Variants in BOLL observed in about 807,000 individuals in gnomAD.
BOLL encodes the protein boule RNA binding protein, also known as protein boule-like.
A neutral mutation model predicts 44.4 loss-of-function variants in BOLL; 23 were observed. The ratio of observed to expected loss-of-function variants is 0.52; its 90% CI spans 0.37 to 0.73. BOLL has a LOEUF of 0.73. Among genes scored for constraint, BOLL ranks in the 30% least tolerant of loss-of-function variants. The pLI, the probability that BOLL is intolerant of heterozygous loss-of-function variation, is 0.00. For missense variants in BOLL, 287 were observed against 338.3 expected (o/e 0.85, Z 1.19); for synonymous variants, 97 against 110.8 (o/e 0.88, Z 0.78).
At chr2:197,747,300 C>T (rs1227405266) in intron 9 of BOLL, among the ~76,000 whole-genome samples, 1 of 151,894 alleles carries the variant, frequency 6.6e-6, no homozygotes, top group African/African-American at 2.4e-5. Flanking sequence ...GTAGGTGGGG[C>T]AGGCCAGGCG....
chr2:197,743,031 C>CA (rs1362745899), intron 10 of BOLL, 30 bp downstream of exon 10: 1 of 1,491,094 alleles, frequency 6.7e-7, no homozygotes, highest in African/African-American at 1.4e-5. Context: ...GGAAGAAAAA[C>CA]AAAGTAAAAA....
intron 10 of BOLL, among the ~76,000 whole-genome samples, chr2:197,742,682 G>T (rs1255806857): frequency 6.6e-6 from 1 of 151,958 alleles, no homozygotes; most frequent in South Asian, 2.1e-4. Context: ...GGGGAGTGGG[G>T]AGGGATAGCA....
intron 10 of BOLL, among the ~76,000 whole-genome samples, chr2:197,739,564 A>G (rs911196624): frequency 2.0e-5 from 3 of 152,172 alleles, no homozygotes; most frequent in East Asian, 1.9e-4. Context: ...GCTTCAAGCA[A>G]TCCTCCTACC....
chr2:197,734,592 A>T (rs1220701378), intron 10 of BOLL, among the ~76,000 whole-genome samples: 2 of 152,226 alleles, frequency 1.3e-5, no homozygotes, highest in African/African-American at 4.8e-5. Context: ...GGATTAAGAA[A>T]ATGTGGCAGA....
chr2:197,750,158 G>A (rs554798744), intron 9 of BOLL, among the ~76,000 whole-genome samples: 1 of 152,140 alleles, frequency 6.6e-6, no homozygotes, highest in South Asian at 2.1e-4. Flanking sequence ...TACTAAATAT[G>A]GAAAGGAAAA....
chr2:197,758,520 A>C (rs1688615280), intron 7 of BOLL, among the ~76,000 whole-genome samples: 1 of 152,224 alleles, frequency 6.6e-6, no homozygotes, highest in South Asian at 2.1e-4. Context: ...AAGGGGAAAA[A>C]GAAGACTCAA....
At chr2:197,755,209 T>C (rs1688456373) in intron 9 of BOLL, among the ~76,000 whole-genome samples, 1 of 152,118 alleles carries the variant, frequency 6.6e-6, no homozygotes, top group Non-Finnish European at 1.5e-5. Context: ...CTCACACCAG[T>C]CAGAATGGCG....
In BOLL at chr2:197,756,422, A is replaced by G; in HGVS notation, c.729+6T>C. The G allele has an allele frequency of 6.2e-7, 1 of 1,602,220 alleles. No individual in the cohort carries two copies. Among genetic ancestry groups the G allele is most frequent in the Non-Finnish European group, 8.5e-7 (1 of 1,174,296 alleles). On this transcript the variant is annotated splice_donor_region_variant and intron_variant, in intron 9 of 10. Transcript: ENST00000392296. ...ATAGATCAATTACTTTAAGACTAAT[A>G]CATACCTCTGGAACTGAAGTTTCCA...
chr2:197,780,748 T>C lies in BOLL; in HGVS notation c.129+974A>G, dbSNP rs1169834285. 4.7e-5 allele frequency among the ~76,000 whole-genome samples: 7 copies of C among 149,704 alleles called. No homozygotes were observed. The East Asian group carries it at 1.4e-3, about 29-fold the overall frequency. Reference sequence around the variant, plus strand: ...TTGGTTATATGGAAATAGTTATAAATGTCAAATATCACACCTAATGGCATA... The same window carrying C: ...TTGGTTATATGGAAATAGTTATAAACGTCAAATATCACACCTAATGGCATA... On this transcript the variant is annotated intron_variant, in intron 2 of 10. Transcript: ENST00000392296.
chr2:197,742,652 C>T (rs928109603), intron 10 of BOLL, among the ~76,000 whole-genome samples: 46 of 145,690 alleles, frequency 3.2e-4, no homozygotes, highest in African/African-American at 9.8e-4. Context: ...CATCACACTC[C>T]GGGGACTGTT....
Position 197,743,312 on chromosome 2 carries a change from G to A in BOLL, c.730-153C>T, listed in dbSNP as rs904947475. Among the ~76,000 whole-genome samples, 29 of 152,290 alleles carry A rather than the reference G, an allele frequency of 1.9e-4. 1 individual carries two copies. Among genetic ancestry groups the A allele is most frequent in the African/African-American group, 6.5e-4 (27 of 41,568 alleles). Reference sequence around the variant, plus strand: ...GTTTAATTAACTTATAATCTGATGAGTTAATATAATGAATTAACTTATGAA... The same window carrying A: ...GTTTAATTAACTTATAATCTGATGAATTAATATAATGAATTAACTTATGAA... On this transcript the variant is annotated intron_variant, in intron 9 of 10. Transcript: ENST00000392296.
chr2:197,729,007 G>T lies in BOLL; in HGVS notation c.829-429C>A, dbSNP rs532911730. Among the ~76,000 whole-genome samples the T allele has an allele frequency of 2.6e-5, 4 of 152,332 alleles. No individual in the cohort carries two copies. In the East Asian group the frequency reaches 7.7e-4, roughly 29 times the overall value. The stretch of plus-strand genomic sequence containing the variant: ...CGAATAGGAACAGCTCCGGTCTACA[G>T]CTCCCAGCGTGAGCGACGCAGAAGA... On this transcript the variant is annotated intron_variant, in intron 10 of 10. Coordinates refer to ENST00000392296, the MANE Select transcript of BOLL (RefSeq NM_033030.6).
At chr2:197,753,495 CAAAAG>C (rs914094494) in intron 9 of BOLL, among the ~76,000 whole-genome samples, 7 of 152,016 alleles carry the variant, frequency 4.6e-5, no homozygotes, top group African/African-American at 9.7e-5. Flanking sequence ...AGACACTTCT[CAAAAG>C]AAGATATTTA....
At chr2:197,780,886 TA>T (rs1689738730) in intron 2 of BOLL, among the ~76,000 whole-genome samples, 1 of 152,096 alleles carries the variant, frequency 6.6e-6, no homozygotes, top group Non-Finnish European at 1.5e-5. Context: ...GTATTCCACT[TA>T]AAATATCTAT....
At position 197,764,209 on chromosome 2, in the gene BOLL, A is replaced by T. The variant is rs79020119; in HGVS notation, c.552+2323T>A. Among the ~76,000 whole-genome samples the T allele has an allele frequency of 6.1e-3, 926 of 152,318 alleles. 16 individuals carry two copies. Among genetic ancestry groups the T allele is most frequent in the African/African-American group, 0.021 (866 of 41,584 alleles). Reference sequence around the variant, plus strand: ...TGGGAATTTATTTGGAGAAAAGGAAATCATTGTATCAGAGAGACATCTGCA... The same window carrying T: ...TGGGAATTTATTTGGAGAAAAGGAATTCATTGTATCAGAGAGACATCTGCA... On this transcript the variant is annotated intron_variant, in intron 7 of 10. Transcript: ENST00000392296.
chr2:197,750,919 G>A (rs1312432727), intron 9 of BOLL, among the ~76,000 whole-genome samples: 1 of 151,990 alleles, frequency 6.6e-6, no homozygotes, highest in East Asian at 1.9e-4. Flanking sequence ...TCAGAAAATG[G>A]TAAAGAACAG....
chr2:197,743,302 A>C, intron 9 of BOLL, 143 bp from the exon 10 acceptor site: 3 of 501,240 alleles, frequency 6.0e-6, no homozygotes, highest in Non-Finnish European at 1.0e-5. Flanking sequence ...ATTAACTTAT[A>C]ATCTGATGAG....
At chr2:197,759,876 T>G (rs1306698482) in intron 7 of BOLL, among the ~76,000 whole-genome samples, 5 of 152,126 alleles carry the variant, frequency 3.3e-5, no homozygotes, top group Non-Finnish European at 7.4e-5. Context: ...CCTCACGCCC[T>G]GCAGACAAGC....
At chr2:197,778,592 G>T (rs1689622945) in intron 3 of BOLL, among the ~76,000 whole-genome samples, 1 of 151,556 alleles carries the variant, frequency 6.6e-6, no homozygotes, top group African/African-American at 2.4e-5. Context: ...GACATTTCTT[G>T]GTGTCAGCTG....
Sources: allele counts gnomAD v4.1 joint callset (sites outside exome capture counted in the v4.1 genomes callset), GRCh38; gene constraint gnomAD v4.1.1; transcripts MANE v1.5; gene names NCBI Gene and HGNC (gene_info 2026-07-23, HGNC 2026-07-21).